Variants in ELF1 observed in about 807,000 individuals in gnomAD.
The protein encoded by ELF1 is E74 like ETS transcription factor 1, also known as ETS-related transcription factor Elf-1.
Under a neutral mutation model 59.9 loss-of-function variants are expected in ELF1, and 24 were observed. That is an observed-to-expected ratio of 0.40 (90% CI 0.29 to 0.56). The LOEUF (loss-of-function observed/expected upper bound fraction) is 0.56, where lower values mean the gene tolerates loss of function less well. ELF1 is among the 20% of genes least tolerant of loss of function. The pLI, the probability that ELF1 is intolerant of heterozygous loss-of-function variation, is 0.44. For synonymous variants in ELF1, 248 were observed against 266.2 expected (o/e 0.93, Z 0.67); for missense variants, 627 against 742.2 (o/e 0.84, Z 1.80).
intron 1 of ELF1, among the ~76,000 whole-genome samples, chr13:41,054,779 G>A (rs1045181312): frequency 1.3e-5 from 2 of 152,184 alleles, no homozygotes; most frequent in Non-Finnish European, 2.9e-5. Flanking sequence ...GAAAGGGACA[G>A]TGGAGATGGG....
At chr13:40,940,509 T>C (rs1870086334) in intron 8 of ELF1, among the ~76,000 whole-genome samples, 1 of 151,472 alleles carries the variant, frequency 6.6e-6, no homozygotes, top group Non-Finnish European at 1.5e-5. Flanking sequence ...TGTTCGAAGA[T>C]AGGATCTTCC....
chr13:41,020,689 T>G (rs1875652604), upstream of ELF1, among the ~76,000 whole-genome samples: 1 of 152,218 alleles, frequency 6.6e-6, no homozygotes, highest in Non-Finnish European at 1.5e-5. Flanking sequence ...AAATGTCATA[T>G]TTAGCTTACT....
Position 40,932,471 on chromosome 13 carries a change from T to C in ELF1, c.*954A>G, listed in dbSNP as rs1056581497. ...AGTCTTGACTCTCTCAAAATAGCAGTATTCTGTTTAGCACTTAGCAACACA... is the reference window on the plus strand; with the variant it reads ...AGTCTTGACTCTCTCAAAATAGCAGCATTCTGTTTAGCACTTAGCAACACA... On this transcript the variant is annotated 3_prime_UTR_variant, in exon 9 of 9. Transcript: ENST00000239882. 2 of 152,158 alleles carry C rather than the reference T, an allele frequency of 1.3e-5. No homozygotes were observed. The highest frequency in any genetic ancestry group is 4.8e-5 in the African/African-American group (2 of 41,428). The allele number at this position is 152,158 out of a possible 1,614,324, so 9.4% of individuals were successfully genotyped here. A position where few individuals can be genotyped will look rare whatever the true frequency, so the allele number is the denominator to read the frequency against.
rs1461289700 is a variant in ELF1, at chr13:40,932,231, T to C, written c.*1194A>G. 2.0e-5 allele frequency: 3 copies of C among 152,216 alleles called. No homozygotes were observed. The highest frequency in any genetic ancestry group is 2.9e-5 in the Non-Finnish European group (2 of 68,034). The allele number at this position is 152,216 out of a possible 1,614,324, so 9.4% of individuals were successfully genotyped here. ...AAATTTGCAGAAGACATTTTTTTCT[T>C]GTGACATTAAATGTACATTATTTAC... is the stretch of plus-strand genomic sequence containing the variant. On this transcript the variant is annotated 3_prime_UTR_variant, in exon 9 of 9. Coordinates refer to ENST00000239882, the MANE Select transcript of ELF1 (RefSeq NM_172373.4).
intron 1 of ELF1, among the ~76,000 whole-genome samples, chr13:41,006,219 G>A (rs578215002): frequency 6.9e-6 from 1 of 143,910 alleles, no homozygotes; most frequent in Admixed American, 6.9e-5. Context: ...ATTCTTTATA[G>A]GAGTCTAAGA....
intron 1 of ELF1, among the ~76,000 whole-genome samples, chr13:41,012,851 C>T (rs1875156824): frequency 6.6e-6 from 1 of 152,064 alleles, no homozygotes; most frequent in East Asian, 1.9e-4. Flanking sequence ...AGCTACAGTG[C>T]CCACTTGTCA....
intron 1 of ELF1, among the ~76,000 whole-genome samples, chr13:40,988,061 T>C (rs1483511739): frequency 6.6e-6 from 1 of 152,230 alleles, no homozygotes; most frequent in African/African-American, 2.4e-5. Flanking sequence ...TCCTGTGTGA[T>C]TGACCATAGT....
chr13:40,999,933 TTCAACTGAACA>T (rs1220005322), intron 1 of ELF1, among the ~76,000 whole-genome samples: 4 of 152,224 alleles, frequency 2.6e-5, no homozygotes, highest in Non-Finnish European at 5.9e-5. Context: ...CTTCTTATTA[TTCAACTGAACA>T]TCAAAACTGC....
At chr13:41,040,738 G>A (rs1016454108) in intron 1 of ELF1, among the ~76,000 whole-genome samples, 6 of 152,112 alleles carry the variant, frequency 3.9e-5, no homozygotes, top group Admixed American at 2.6e-4. Context: ...TTGCTGTGCC[G>A]CCTGGTTCCT....
intron 1 of ELF1, among the ~76,000 whole-genome samples, chr13:41,000,758 A>G (rs1220923449): frequency 6.6e-6 from 1 of 152,180 alleles, no homozygotes; most frequent in Non-Finnish European, 1.5e-5. Flanking sequence ...AAAGTAAAAC[A>G]TGTACAGTAT....
rs916263902 is a variant in ELF1, at chr13:41,032,850, A to T, written c.-229+27988T>A. Among the ~76,000 whole-genome samples the T allele has an allele frequency of 2.1e-3, 3 of 1,462 alleles. No homozygotes were observed. The South Asian group carries it at 0.083, about 41-fold the overall frequency. 1.0% of individuals were successfully genotyped at this position (1,462 alleles called of 152,430 possible). On this transcript the variant is annotated intron_variant, in intron 1 of 1. Transcript: ENST00000405737. ...GGTGACAGAGCAAGACCTTGTTTCT[A>T]AAAAAAAAAAAAAAACAAACCAAAG...
At chr13:40,968,678 T>G (rs1439642534) in intron 2 of ELF1, among the ~76,000 whole-genome samples, 1 of 152,082 alleles carries the variant, frequency 6.6e-6, no homozygotes, top group African/African-American at 2.4e-5. Context: ...CTCCAAATAT[T>G]TCTGTTGATT....
intron 1 of ELF1, among the ~76,000 whole-genome samples, chr13:41,053,581 A>G (rs1449764386): frequency 2.0e-5 from 3 of 152,162 alleles, no homozygotes; most frequent in African/African-American, 4.8e-5. Context: ...TACTGGTGAC[A>G]CAAATTTCAA....
In ELF1 at chr13:40,933,965, T is replaced by C; in HGVS notation, c.1320A>G (p.Thr440=). The change falls in exon 9 of 9, where the codon ACA becomes ACG. Residue 440 remains threonine (T), a synonymous_variant. Coordinates refer to ENST00000239882, the MANE Select transcript of ELF1 (RefSeq NM_172373.4). ...TGAGTGGCACTGTTTGGAGTGTTAC[T>C]GTATGCAACTGCTGATTCCTAGGAG... ...VVSPRNQQLH[T]VTLQTVPLTT... 1.2e-6 allele frequency: 2 copies of C among 1,614,276 alleles called. No homozygotes were observed. The highest frequency in any genetic ancestry group is 8.5e-7 in the Non-Finnish European group (1 of 1,180,048).
intron 3 of ELF1, among the ~76,000 whole-genome samples, chr13:40,953,034 T>C (rs1197247324): frequency 6.7e-6 from 1 of 148,564 alleles, no homozygotes; most frequent in Non-Finnish European, 1.5e-5. Context: ...TGGAGTGCAA[T>C]GGTGTGATCT....
At chr13:40,961,573 AG>A in intron 2 of ELF1, among the ~76,000 whole-genome samples, 1 of 152,308 alleles carries the variant, frequency 6.6e-6, no homozygotes, top group East Asian at 1.9e-4. Context: ...TGAAAAAAAA[AG>A]AAAGAAAAAA....
Position 40,997,743 on chromosome 13 carries a change from T to C in ELF1, c.-228-15461A>G, listed in dbSNP as rs111647287. Among the ~76,000 whole-genome samples the C allele has an allele frequency of 5.8e-3, 890 of 152,302 alleles. 9 individuals carry two copies. The highest frequency in any genetic ancestry group is 0.021 in the African/African-American group (854 of 41,560). ...AAACGATTCTAAGTCAGCTTGGATA[T>C]CATCAAAGAGTTCTGATGTTTCATG... On this transcript the variant is annotated intron_variant, in intron 1 of 8. Transcript: ENST00000239882.
intron 1 of ELF1, among the ~76,000 whole-genome samples, chr13:41,039,610 T>C (rs1194541351): frequency 6.6e-6 from 1 of 152,178 alleles, no homozygotes; most frequent in Non-Finnish European, 1.5e-5. Context: ...TAAAATAAAG[T>C]GTTTAAGGTA....
At chr13:41,014,720 G>T (rs978598573) in intron 1 of ELF1, among the ~76,000 whole-genome samples, 9 of 152,050 alleles carry the variant, frequency 5.9e-5, no homozygotes, top group Non-Finnish European at 1.2e-4. Flanking sequence ...GAGCAAAATA[G>T]TCTGGCTAAT....
Sources: allele counts gnomAD v4.1 joint callset (sites outside exome capture counted in the v4.1 genomes callset), GRCh38; gene constraint gnomAD v4.1.1; transcripts MANE v1.5; gene names NCBI Gene and HGNC (gene_info 2026-07-23, HGNC 2026-07-21).